CTNNA3: variants seen among roughly 807,000 people sequenced by gnomAD.
CTNNA3 encodes catenin alpha-3.
A neutral mutation model predicts 95.7 loss-of-function variants in CTNNA3; 76 were observed. That is an observed-to-expected ratio of 0.79 (90% CI 0.66 to 0.96). The LOEUF (loss-of-function observed/expected upper bound fraction) is 0.96, where lower values mean the gene tolerates loss of function less well. Ranked by LOEUF, CTNNA3 falls within the 40% of genes least tolerant of loss-of-function variation. The probability of loss-of-function intolerance (pLI) is 0.00; values close to 1 mark genes in which losing one functional copy is unlikely to be tolerated. For synonymous variants in CTNNA3, 431 were observed against 374.4 expected, an observed-to-expected ratio of 1.15 and a Z score of -1.74; for missense variants, 1,191 against 1,089.8, an observed-to-expected ratio of 1.09 and a Z score of -1.31.
intron 9 of CTNNA3, among the ~76,000 whole-genome samples, chr10:66,755,011 T>C (rs1262445941): frequency 4.6e-5 from 7 of 152,124 alleles, no homozygotes; most frequent in Admixed American, 3.9e-4. Flanking sequence ...AACTTGCATA[T>C]ACATGTTCAT....
chr10:66,669,529 G>A (rs1005408419), intron 9 of CTNNA3, among the ~76,000 whole-genome samples: 8 of 151,754 alleles, frequency 5.3e-5, no homozygotes, highest in East Asian at 1.9e-4. Context: ...GTGACAGAGC[G>A]AGACTTTTGT....
chr10:66,565,015 C>G (rs762545885), intron 10 of CTNNA3, among the ~76,000 whole-genome samples: 7 of 152,120 alleles, frequency 4.6e-5, no homozygotes, highest in Non-Finnish European at 1.0e-4. Flanking sequence ...CGAAAAATAC[C>G]ATTCTACCTT....
intron 12 of CTNNA3, among the ~76,000 whole-genome samples, chr10:66,286,973 TATG>T (rs2091598990): frequency 6.6e-6 from 1 of 152,098 alleles, no homozygotes; most frequent in Admixed American, 6.6e-5. Flanking sequence ...TGAGGGTACA[TATG>T]ATAACTTAAT....
At chr10:66,664,704 G>C (rs1846380476) in intron 9 of CTNNA3, among the ~76,000 whole-genome samples, 1 of 113,842 alleles carries the variant, frequency 8.8e-6, no homozygotes, top group Non-Finnish European at 1.8e-5. Context: ...CCCAGAAGCT[G>C]ATGTTGCTAG....
At chr10:66,175,276 T>C (rs1388104240) in intron 13 of CTNNA3, among the ~76,000 whole-genome samples, 1 of 152,172 alleles carries the variant, frequency 6.6e-6, no homozygotes, top group African/African-American at 2.4e-5. Flanking sequence ...GGAGTGTATA[T>C]ATCTCTTTTC....
chr10:66,217,339 C>G (rs1294434697), intron 13 of CTNNA3, among the ~76,000 whole-genome samples: 1 of 132,982 alleles, frequency 7.5e-6, no homozygotes, highest in Non-Finnish European at 1.6e-5. Context: ...GGCGACAGAG[C>G]GAGACTCTAT....
chr10:66,619,898 A>T lies in CTNNA3; in HGVS notation c.1374+1794T>A, dbSNP rs909211236. Among the ~76,000 whole-genome samples, 4 of 152,086 alleles carry T rather than the reference A, an allele frequency of 2.6e-5. 1 individual carries two copies. The highest frequency in any genetic ancestry group is 2.6e-4 in the Admixed American group (4 of 15,250). ...ATGTGTATACAAATATATATTAGACAATGGAAATATTTATAAGTCCTTATG... is the reference window on the plus strand; with the variant it reads ...ATGTGTATACAAATATATATTAGACTATGGAAATATTTATAAGTCCTTATG... On this transcript the variant is annotated intron_variant, in intron 10 of 17. Coordinates refer to ENST00000433211, the MANE Select transcript of CTNNA3 (RefSeq NM_013266.4).
chr10:66,884,387 G>A (rs1223060182), intron 7 of CTNNA3, among the ~76,000 whole-genome samples: 1 of 152,116 alleles, frequency 6.6e-6, no homozygotes, highest in Non-Finnish European at 1.5e-5. Flanking sequence ...AGAGAATATG[G>A]AGGAATTGTA....
chr10:67,087,536 TTAAAA>T (rs1234091116), intron 7 of CTNNA3, among the ~76,000 whole-genome samples: 3 of 151,696 alleles, frequency 2.0e-5, no homozygotes, highest in Admixed American at 6.6e-5. Context: ...TAAAATAAGT[TTAAAA>T]TAAAATAAAG....
intron 11 of CTNNA3, among the ~76,000 whole-genome samples, chr10:66,386,046 G>A (rs941382452): frequency 2.0e-5 from 3 of 152,092 alleles, no homozygotes; most frequent in South Asian, 2.1e-4. Flanking sequence ...AGACAAGGAC[G>A]CCCTCACTCA....
At chr10:65,933,644 TA>T (rs897169146) in intron 17 of CTNNA3, among the ~76,000 whole-genome samples, 46 of 151,538 alleles carry the variant, frequency 3.0e-4, no homozygotes, top group East Asian at 9.7e-4. Flanking sequence ...AACACCAGTG[TA>T]AAAAAAAATG....
chr10:66,109,819 T>C (rs1564653716), intron 13 of CTNNA3, among the ~76,000 whole-genome samples: 3 of 151,338 alleles, frequency 2.0e-5, no homozygotes. Flanking sequence ...TGTATACATA[T>C]GTAACAAACC....
intron 7 of CTNNA3, among the ~76,000 whole-genome samples, chr10:67,107,784 A>C (rs982836155): frequency 2.6e-5 from 4 of 151,996 alleles, no homozygotes; most frequent in Non-Finnish European, 5.9e-5. Context: ...AGGTCTGCAC[A>C]CTGGGAAGGT....
At chr10:66,994,453 C>T (rs1476652405) in intron 7 of CTNNA3, among the ~76,000 whole-genome samples, 1 of 152,166 alleles carries the variant, frequency 6.6e-6, no homozygotes, top group Non-Finnish European at 1.5e-5. Flanking sequence ...ATTCCTATTT[C>T]ATCCCTCAAT....
At chr10:67,655,533 C>A (rs1439772458) in intron 1 of CTNNA3, among the ~76,000 whole-genome samples, 5 of 152,186 alleles carry the variant, frequency 3.3e-5, no homozygotes, top group East Asian at 1.9e-4. Context: ...TGCCTGTAAT[C>A]CCAGCACTTT....
chr10:67,622,933 A>G (rs1843895272), intron 2 of CTNNA3, among the ~76,000 whole-genome samples: 2 of 152,218 alleles, frequency 1.3e-5, no homozygotes, highest in Admixed American at 6.5e-5. Flanking sequence ...GCCTATTAGT[A>G]TTTAAAAGAC....
chr10:66,149,686 T>A (rs2084087971), intron 13 of CTNNA3, among the ~76,000 whole-genome samples: 1 of 152,000 alleles, frequency 6.6e-6, no homozygotes, highest in Admixed American at 6.6e-5. Context: ...AATGGTAGCA[T>A]TCTTAATCAT....
chr10:67,304,190 C>T (rs1409155449), intron 5 of CTNNA3, among the ~76,000 whole-genome samples: 3 of 152,208 alleles, frequency 2.0e-5, no homozygotes, highest in Admixed American at 1.3e-4. Context: ...TTCACCGTGC[C>T]CCTATCTCCA....
At chr10:66,447,935 A>G (rs182747257) in intron 11 of CTNNA3, among the ~76,000 whole-genome samples, 2,442 of 152,310 alleles carry the variant, frequency 0.016, 38 homozygotes, top group South Asian at 0.05. Flanking sequence ...CATCTGACAA[A>G]GGGCTAATAT....
Sources: gnomAD v4.1 joint callset for allele counts (sites outside exome capture counted in the v4.1 genomes callset) on GRCh38, gnomAD v4.1.1 for gene constraint, MANE v1.5 for transcripts, NCBI Gene and HGNC (gene_info 2026-07-23, HGNC 2026-07-21) for gene names.